The following N4BP2 variants were observed in gnomAD, a reference collection of about 807,000 sequenced individuals.
N4BP2 encodes the protein NEDD4 binding protein 2.
A neutral mutation model predicts 152.8 loss-of-function variants in N4BP2; 91 were observed. That is an observed-to-expected ratio of 0.60 (90% CI 0.50 to 0.71). The LOEUF (loss-of-function observed/expected upper bound fraction) is 0.71, where lower values mean the gene tolerates loss of function less well. Ranked by LOEUF, N4BP2 falls within the 30% of genes least tolerant of loss-of-function variation. The pLI is 0.00. For synonymous variants in N4BP2, 646 were observed against 705.3 expected, an observed-to-expected ratio of 0.92 and a Z score of 1.33; for missense variants, 1,923 against 2,059.1, an observed-to-expected ratio of 0.93 and a Z score of 1.28.
intron 2 of N4BP2, among the ~76,000 whole-genome samples, chr4:40,090,763 T>C (rs1225957745): frequency 2.6e-5 from 4 of 151,962 alleles, no homozygotes; most frequent in Non-Finnish European, 5.9e-5. Flanking sequence ...TGAAACCCCA[T>C]CTCTACTAAA....
chr4:40,082,828 G>A (rs907054330), intron 2 of N4BP2, among the ~76,000 whole-genome samples: 2 of 151,890 alleles, frequency 1.3e-5, no homozygotes, highest in Non-Finnish European at 2.9e-5. Context: ...AGCCTCCCGA[G>A]TAGCTGGGAC....
chr4:40,071,145 A>G (rs1712133223), intron 1 of N4BP2, among the ~76,000 whole-genome samples: 1 of 152,072 alleles, frequency 6.6e-6, no homozygotes, highest in African/African-American at 2.4e-5. Context: ...TCTTCTACCC[A>G]TCCACCTCCT....
the N4BP2 span, among the ~76,000 whole-genome samples, chr4:40,174,316 GC>G: frequency 2.0e-5 from 3 of 152,126 alleles, no homozygotes; most frequent in Admixed American, 1.3e-4. Context: ...GATGGAGGCT[GC>G]AGTGAGCCGT....
In N4BP2 at chr4:40,121,582, G is replaced by A. The variant is rs1717917681; in HGVS notation, c.3471G>A (p.Leu1157=). The A allele has an allele frequency of 3.7e-6, 6 of 1,614,058 alleles. No homozygotes were observed. Among genetic ancestry groups the A allele is most frequent in the Non-Finnish European group, 5.1e-6 (6 of 1,179,980 alleles). Reference sequence around the variant, plus strand: ...AAATTGGGCCTTTTTCTCTGGGGTTGAATTTGAAAGAAATTATTAGCCAAA... The same window carrying A: ...AAATTGGGCCTTTTTCTCTGGGGTTAAATTTGAAAGAAATTATTAGCCAAA... ...GSQIGPFSLG[L]NLKEIISQRG... is the part of the protein sequence containing the mutation. Residue 1157 remains leucine (L), a synonymous_variant, in exon 9 of 18, where the codon TTG becomes TTA. Transcript: ENST00000261435.
chr4:40,088,526 G>C (rs907233494), intron 2 of N4BP2, among the ~76,000 whole-genome samples: 5 of 150,586 alleles, frequency 3.3e-5, no homozygotes, highest in African/African-American at 1.2e-4. Flanking sequence ...TTGCAATGGG[G>C]TTTCGCTCTT....
intron 16 of N4BP2, among the ~76,000 whole-genome samples, chr4:40,145,670 C>A (rs11734859): frequency 0.29 from 44,714 of 151,990 alleles, 6,854 homozygotes; most frequent in South Asian, 0.48. Context: ...AATATTCTTT[C>A]TATAGAGGAT....
intron 12 of N4BP2, among the ~76,000 whole-genome samples, chr4:40,131,195 C>G (rs530932443): frequency 7.9e-5 from 12 of 152,288 alleles, no homozygotes; most frequent in African/African-American, 1.2e-4. Context: ...GGAAATTTCT[C>G]TCAGGTCTCA....
the N4BP2 span, among the ~76,000 whole-genome samples, chr4:40,171,629 A>G: frequency 1.3e-5 from 2 of 152,172 alleles, no homozygotes; most frequent in Non-Finnish European, 1.5e-5. Flanking sequence ...GTTCTCTAGA[A>G]GGACAGAACT....
intron 2 of N4BP2, among the ~76,000 whole-genome samples, chr4:40,095,903 C>G (rs1202533581): frequency 1.3e-5 from 2 of 152,148 alleles, no homozygotes; most frequent in South Asian, 2.1e-4. Context: ...CTTTTTACAT[C>G]GTATAAAGCT....
intron 2 of N4BP2, among the ~76,000 whole-genome samples, chr4:40,092,048 C>CTATATATATA (rs1714659188): frequency 2.3e-5 from 1 of 43,352 alleles, no homozygotes; most frequent in Non-Finnish European, 4.0e-5. Flanking sequence ...ATATATATAG[C>CTATATATATA]TGAATTTTAT....
At chr4:40,148,935 A>C (rs1450888936) in intron 16 of N4BP2, among the ~76,000 whole-genome samples, 1 of 152,322 alleles carries the variant, frequency 6.6e-6, no homozygotes, top group East Asian at 1.9e-4. Flanking sequence ...TAAGAAAAAA[A>C]AAATTGAAAA....
Position 40,131,916 on chromosome 4 carries a change from A to C in N4BP2, c.4643A>C (p.His1548Pro). The change falls in exon 13 of 18, where the codon CAC becomes CCC. Residue 1548 changes from histidine to proline, a missense_variant. Coordinates refer to ENST00000261435, the MANE Select transcript of N4BP2 (RefSeq NM_018177.6). ...TTTCTGGTGGACATTTTCAAGGACC[A>C]CAAGTGAGTGCTAGAAGGATTGTCT... is the stretch of plus-strand genomic sequence containing the variant. ...QNFLVDIFKDHNYSLEHTVQF... is the reference protein window; with the variant it reads ...QNFLVDIFKDPNYSLEHTVQF... 6.4e-7 allele frequency: 1 copy of C among 1,551,336 alleles called. No homozygotes were observed. Among genetic ancestry groups the C allele is most frequent in the Non-Finnish European group, 8.9e-7 (1 of 1,123,054 alleles).
rs796545652 is a variant in N4BP2 at position 40,137,206 on chromosome 4, C to T, written c.4785+124C>T. On this transcript the variant is annotated intron_variant, in intron 14 of 17. Coordinates refer to ENST00000261435, the MANE Select transcript of N4BP2 (RefSeq NM_018177.6). Reference sequence around the variant, plus strand: ...ATTTTGACTAGACTGGAAATTTAACCACCAATGGCATATTTGGCTTATAAT... The same window carrying T: ...ATTTTGACTAGACTGGAAATTTAACTACCAATGGCATATTTGGCTTATAAT... 2.0e-5 allele frequency: 15 copies of T among 755,444 alleles called. No homozygotes were observed. The African/African-American group carries it at 2.1e-4, about 11-fold the overall frequency. 46.8% of individuals were successfully genotyped at this position (755,444 alleles called of 1,614,324 possible).
Position 40,121,545 on chromosome 4 carries a change from G to T in N4BP2, c.3434G>T (p.Cys1145Phe), listed in dbSNP as rs1290739404. The T allele has an allele frequency of 1.2e-6, 2 of 1,614,146 alleles. No individual in the cohort carries two copies. Among genetic ancestry groups the T allele is most frequent in the South Asian group, 2.2e-5 (2 of 91,076 alleles). Residue 1145 changes from cysteine (C) to phenylalanine (F), a missense_variant, in exon 9 of 18, where the codon TGT becomes TTT. Coordinates refer to ENST00000261435, the MANE Select transcript of N4BP2 (RefSeq NM_018177.6). ...DTEFENFQKS[C>F]DGSQIGPFSL... ...GAGTTTGAGAATTTCCAAAAATCGT[G>T]TGATGGATCACAAATTGGGCCTTTT... is the stretch of plus-strand genomic sequence containing the variant.
Position 40,119,920 on chromosome 4 carries a change from A to T in N4BP2, c.1821-12A>T. 7.9e-7 allele frequency: 1 copy of T among 1,266,586 alleles called. No homozygotes were observed. Among genetic ancestry groups the T allele is most frequent in the Non-Finnish European group, 1.1e-6 (1 of 913,356 alleles). The allele number at this position is 1,266,586 out of a possible 1,614,324, so 78.5% of individuals were successfully genotyped here. A position where few individuals can be genotyped will look rare whatever the true frequency, so the allele number is the denominator to read the frequency against. ...AGACTTTCTCATGATACTCTTTAAA[A>T]TAATCTTACAGCCCAAGAGACGATG... On this transcript the variant is annotated splice_polypyrimidine_tract_variant and intron_variant, in intron 8 of 17. Coordinates refer to ENST00000261435, the MANE Select transcript of N4BP2 (RefSeq NM_018177.6).
At chr4:40,071,549 T>G (rs1199071107) in intron 1 of N4BP2, among the ~76,000 whole-genome samples, 1 of 152,158 alleles carries the variant, frequency 6.6e-6, no homozygotes. Flanking sequence ...GGTGGTACTT[T>G]GACATCAGGT....
chr4:40,097,883 AT>A (rs998432116), intron 3 of N4BP2, among the ~76,000 whole-genome samples: 4 of 152,136 alleles, frequency 2.6e-5, no homozygotes, highest in Admixed American at 2.6e-4. Context: ...ATAATCCTTT[AT>A]TTTGAGTGGC....
At chr4:40,165,498 T>C in the N4BP2 span, among the ~76,000 whole-genome samples, 1 of 152,144 alleles carries the variant, frequency 6.6e-6, no homozygotes, top group African/African-American at 2.4e-5. Flanking sequence ...ATCCACCTGC[T>C]TTGGTCTCCC....
chr4:40,069,083 G>C (rs547915070), intron 1 of N4BP2, among the ~76,000 whole-genome samples: 1 of 151,160 alleles, frequency 6.6e-6, no homozygotes, highest in African/African-American at 2.4e-5. Context: ...TCGCGCCACT[G>C]CACTCCACTG....
Sources: allele counts gnomAD v4.1 joint callset (sites outside exome capture counted in the v4.1 genomes callset), GRCh38; gene constraint gnomAD v4.1.1; transcripts MANE v1.5; gene names NCBI Gene and HGNC (gene_info 2026-07-23, HGNC 2026-07-21).